CIMAP3: variants seen among roughly 807,000 people sequenced by gnomAD.
CIMAP3 encodes ciliary microtubule associated protein 3, also known as ciliary microtubule-associated protein 3.
chr1:111,343,921 T>TA, the CIMAP3 span, among the ~76,000 whole-genome samples: 1 of 149,846 alleles, frequency 6.7e-6, no homozygotes, highest in Admixed American at 6.6e-5. Context: ...GCATTTGCTT[T>TA]ATGTTATTTC....
At chr1:111,326,389 A>G in the CIMAP3 span, among the ~76,000 whole-genome samples, 2 of 152,082 alleles carry the variant, frequency 1.3e-5, no homozygotes, top group African/African-American at 2.4e-5. Context: ...GCTCCTACAT[A>G]TAAGTGACAT....
chr1:111,350,123 C>T, the CIMAP3 span: 4 of 1,613,680 alleles, frequency 2.5e-6, no homozygotes, highest in African/African-American at 1.3e-5. Flanking sequence ...GCATACAACC[C>T]AGAGAAGAAG....
the CIMAP3 span, among the ~76,000 whole-genome samples, chr1:111,346,104 C>A: frequency 6.6e-6 from 1 of 152,222 alleles, no homozygotes; most frequent in African/African-American, 2.4e-5. Flanking sequence ...CCTCGCGCCC[C>A]CTCCCCACGG....
At chr1:111,346,580 A>C in the CIMAP3 span, 3 of 1,606,292 alleles carry the variant, frequency 1.9e-6, no homozygotes, top group South Asian at 2.2e-5. Flanking sequence ...CGCGCTCCGC[A>C]GCTGGGAATC....
At chr1:111,346,769 C>T in the CIMAP3 span, 9,510 of 1,555,160 alleles carry the variant, frequency 6.1e-3, 529 homozygotes, top group African/African-American at 0.11. Context: ...AGTTCGCCCC[C>T]CTCCAGGAGT....
chr1:111,334,071 A>G, the CIMAP3 span, among the ~76,000 whole-genome samples: 2 of 152,224 alleles, frequency 1.3e-5, no homozygotes, highest in Admixed American at 1.3e-4. Context: ...TTTGAAAACA[A>G]TGTTCACATT....
At chr1:111,349,062 C>G in the CIMAP3 span, 11 of 158,876 alleles carry the variant, frequency 6.9e-5, no homozygotes, top group Non-Finnish European at 9.7e-5. Flanking sequence ...ATAATTCTAC[C>G]AAGACAGTAC....
At chr1:111,349,225 A>G in the CIMAP3 span, 1 of 152,396 alleles carries the variant, frequency 6.6e-6, no homozygotes, top group African/African-American at 2.4e-5. Flanking sequence ...GATCTAAATG[A>G]CAAGACTGAG....
chr1:111,347,360 A>G, the CIMAP3 span, among the ~76,000 whole-genome samples: 1 of 152,182 alleles, frequency 6.6e-6, no homozygotes, highest in East Asian at 1.9e-4. Context: ...TCAGGCTGAC[A>G]GTTGCATTAG....
the CIMAP3 span, among the ~76,000 whole-genome samples, chr1:111,332,845 G>C: frequency 6.6e-6 from 1 of 152,214 alleles, no homozygotes; most frequent in Non-Finnish European, 1.5e-5. Context: ...CAGCTGGCCT[G>C]GGGGCTTGCC....
chr1:111,329,427 A>G, the CIMAP3 span, among the ~76,000 whole-genome samples: 1 of 150,704 alleles, frequency 6.6e-6, no homozygotes, highest in Non-Finnish European at 1.5e-5. Flanking sequence ...TGGATGATAT[A>G]CTGATACATG....
chr1:111,350,023 A>G, the CIMAP3 span: 2 of 1,060,144 alleles, frequency 1.9e-6, no homozygotes, highest in East Asian at 4.8e-5. Flanking sequence ...GGTTAGGCCT[A>G]GTCCAGGGAC....
the CIMAP3 span, chr1:111,348,772 C>A: frequency 1.1e-6 from 1 of 951,430 alleles, no homozygotes; most frequent in Non-Finnish European, 1.5e-6. Flanking sequence ...AGGAACCATT[C>A]AGAGATTTAA....
chr1:111,351,360 T>C, the CIMAP3 span: 9 of 1,495,770 alleles, frequency 6.0e-6, no homozygotes, highest in Non-Finnish European at 7.2e-6. Flanking sequence ...GCTCCTCTTA[T>C]ACACAGACTC....
At chr1:111,350,633 T>G in the CIMAP3 span, among the ~76,000 whole-genome samples, 1 of 152,202 alleles carries the variant, frequency 6.6e-6, no homozygotes, top group African/African-American at 2.4e-5. Context: ...CCATAGAGAA[T>G]TCAGCTAAGA....
chr1:111,346,472 T>C, the CIMAP3 span: 72 of 807,792 alleles, frequency 8.9e-5, no homozygotes, highest in Non-Finnish European at 1.1e-4. Flanking sequence ...TACAATCCCC[T>C]GGGCTTTGGG....
the CIMAP3 span, chr1:111,350,082 T>C: frequency 1.3e-6 from 2 of 1,572,982 alleles, no homozygotes; most frequent in South Asian, 1.1e-5. Context: ...TCATTAGACA[T>C]GATGCTTGTA....
the CIMAP3 span, chr1:111,351,225 G>A: frequency 7.9e-7 from 1 of 1,261,788 alleles, no homozygotes; most frequent in African/African-American, 1.6e-5. Context: ...GTTCTCATTA[G>A]AATATTGATC....
At chr1:111,348,813 G>A in the CIMAP3 span, 2 of 700,040 alleles carry the variant, frequency 2.9e-6, no homozygotes, top group South Asian at 5.2e-5. Context: ...TGGCATTGTA[G>A]AATGTAGAAT....
Sources: gnomAD v4.1 joint callset for allele counts (sites outside exome capture counted in the v4.1 genomes callset) on GRCh38, gnomAD v4.1.1 for gene constraint, MANE v1.5 for transcripts, NCBI Gene and HGNC (gene_info 2026-07-23, HGNC 2026-07-21) for gene names.